Variants in CFAP299 observed in about 807,000 individuals in gnomAD.
CFAP299 encodes the protein cilia and flagella associated protein 299.
Under a neutral mutation model 27.0 loss-of-function variants are expected in CFAP299, and 21 were observed. That is an observed-to-expected ratio of 0.78 (90% CI 0.55 to 1.12). CFAP299 has a LOEUF of 1.12. CFAP299 is among the 50% of genes most tolerant of loss of function. The probability of loss-of-function intolerance (pLI) is 0.00; values close to 1 mark genes in which losing one functional copy is unlikely to be tolerated. For synonymous variants in CFAP299, 104 were observed against 98.1 expected, an observed-to-expected ratio of 1.06 and a Z score of -0.36; for missense variants, 310 against 276.6, an observed-to-expected ratio of 1.12 and a Z score of -0.86.
chr4:80,821,887 A>G (rs1313650621), intron 3 of CFAP299, among the ~76,000 whole-genome samples: 1 of 149,950 alleles, frequency 6.7e-6, no homozygotes, highest in Admixed American at 6.6e-5. Context: ...CTGGCTCAGT[A>G]CACAACACAC....
intron 2 of CFAP299, among the ~76,000 whole-genome samples, chr4:80,367,717 A>T (rs1723915320): frequency 6.6e-6 from 1 of 152,214 alleles, no homozygotes; most frequent in African/African-American, 2.4e-5. Context: ...TCCACTGGTT[A>T]TAGTAGCCAT....
chr4:80,414,011 G>T (rs1238116739), intron 2 of CFAP299, among the ~76,000 whole-genome samples: 11 of 150,568 alleles, frequency 7.3e-5, no homozygotes, highest in Non-Finnish European at 1.2e-4. Flanking sequence ...AGAAGACTCA[G>T]TTGTCTTCTT....
At chr4:80,730,422 A>C (rs545848197) in intron 3 of CFAP299, among the ~76,000 whole-genome samples, 4 of 151,826 alleles carry the variant, frequency 2.6e-5, no homozygotes. Context: ...CCTACCCATG[A>C]AGGCAAGGCT....
chr4:80,404,585 T>C (rs907539540), intron 2 of CFAP299, among the ~76,000 whole-genome samples: 2 of 152,226 alleles, frequency 1.3e-5, no homozygotes, highest in Non-Finnish European at 2.9e-5. Flanking sequence ...TCCTCAAGGA[T>C]TGTCCATGTT....
chr4:80,558,200 T>A lies in CFAP299; in HGVS notation c.243-24893T>A, dbSNP rs139926494. On this transcript the variant is annotated intron_variant, in intron 2 of 5. Coordinates refer to ENST00000358105, the MANE Select transcript of CFAP299 (RefSeq NM_152770.3). ...GTTTCTCTCTGTTTCCTAAAGAAGA[T>A]GTAAAACCTACTAAAATTACTAATT... Among the ~76,000 whole-genome samples the A allele has an allele frequency of 5.1e-3, 772 of 152,218 alleles. 5 individuals are homozygous for A. Among genetic ancestry groups the A allele is most frequent in the Middle Eastern group, 0.02 (6 of 294 alleles).
At chr4:80,588,644 A>G (rs75534132) in intron 3 of CFAP299, among the ~76,000 whole-genome samples, 1,723 of 146,934 alleles carry the variant, frequency 0.012, 150 homozygotes, top group African/African-American at 0.043. Flanking sequence ...TCCCAGTTAA[A>G]TCTTATGTCT....
chr4:80,695,612 G>A (rs1427580946), intron 3 of CFAP299, among the ~76,000 whole-genome samples: 1 of 151,334 alleles, frequency 6.6e-6, no homozygotes, highest in Admixed American at 6.6e-5. Flanking sequence ...AACCAGTGTA[G>A]ACCACATATG....
chr4:80,512,518 C>T (rs1236323975), intron 2 of CFAP299, among the ~76,000 whole-genome samples: 4 of 151,960 alleles, frequency 2.6e-5, no homozygotes, highest in Non-Finnish European at 5.9e-5. Context: ...GGGCTTTTGG[C>T]GAATAAGCTA....
intron 3 of CFAP299, among the ~76,000 whole-genome samples, chr4:80,599,933 G>T (rs903848304): frequency 2.6e-5 from 4 of 152,006 alleles, no homozygotes; most frequent in African/African-American, 9.7e-5. Context: ...TTGAAATTGG[G>T]ATACAAAAAC....
chr4:80,327,196 A>G, the CFAP299 span, among the ~76,000 whole-genome samples: 1 of 152,150 alleles, frequency 6.6e-6, no homozygotes. Flanking sequence ...ACATCCTGAT[A>G]TCAGAAGGAC....
At chr4:80,744,149 A>G (rs1011391930) in intron 3 of CFAP299, among the ~76,000 whole-genome samples, 1 of 152,178 alleles carries the variant, frequency 6.6e-6, no homozygotes, top group African/African-American at 2.4e-5. Context: ...GATAAAAGAG[A>G]AAAGGGTAGG....
At chr4:80,712,742 A>C (rs746183136) in intron 3 of CFAP299, among the ~76,000 whole-genome samples, 28 of 152,184 alleles carry the variant, frequency 1.8e-4, no homozygotes, top group Non-Finnish European at 3.5e-4. Context: ...TAATTCAACT[A>C]ATCAGTGAAT....
At chr4:80,948,813 C>G (rs969798618) in intron 5 of CFAP299, among the ~76,000 whole-genome samples, 2 of 151,862 alleles carry the variant, frequency 1.3e-5, no homozygotes, top group African/African-American at 2.4e-5. Flanking sequence ...ATGGATCATT[C>G]CCTCCAAAAG....
At chr4:80,876,679 C>A (rs1367404952) in intron 4 of CFAP299, among the ~76,000 whole-genome samples, 1 of 152,076 alleles carries the variant, frequency 6.6e-6, no homozygotes, top group Admixed American at 6.6e-5. Flanking sequence ...TATGTACAAC[C>A]AGAAATCCAG....
At chr4:80,638,988 G>T (rs1739589603) in intron 3 of CFAP299, among the ~76,000 whole-genome samples, 2 of 152,080 alleles carry the variant, frequency 1.3e-5, no homozygotes, top group African/African-American at 4.8e-5. Context: ...TGCCCTAATG[G>T]AGCAGAAAGA....
chr4:80,621,118 T>G lies in CFAP299; in HGVS notation c.333+37935T>G, dbSNP rs182569080. Among the ~76,000 whole-genome samples the G allele has an allele frequency of 1.3e-3, 196 of 152,182 alleles. 1 individual carries two copies. Among genetic ancestry groups the G allele is most frequent in the African/African-American group, 4.5e-3 (189 of 41,542 alleles). ...TAGAATGCTTCCTTCCTTTAACTATTGCCTTAAATATTTAGTATATAACAA... is the reference window on the plus strand; with the variant it reads ...TAGAATGCTTCCTTCCTTTAACTATGGCCTTAAATATTTAGTATATAACAA... On this transcript the variant is annotated intron_variant, in intron 3 of 5. Coordinates refer to ENST00000358105, the MANE Select transcript of CFAP299 (RefSeq NM_152770.3).
intron 1 of CFAP299, among the ~76,000 whole-genome samples, chr4:80,354,555 T>G (rs1723167369): frequency 6.6e-6 from 1 of 152,204 alleles, no homozygotes; most frequent in Non-Finnish European, 1.5e-5. Context: ...CAGGGTTACA[T>G]GTACAGGTTT....
chr4:80,948,775 G>C (rs955672479), intron 5 of CFAP299, among the ~76,000 whole-genome samples: 4 of 151,904 alleles, frequency 2.6e-5, no homozygotes, highest in East Asian at 1.9e-4. Context: ...ATGAATATTT[G>C]ATAAATATTC....
intron 3 of CFAP299, among the ~76,000 whole-genome samples, chr4:80,690,604 A>G (rs1178534251): frequency 6.6e-6 from 1 of 152,170 alleles, no homozygotes; most frequent in African/African-American, 2.4e-5. Context: ...AAGATCCAAA[A>G]TTGACACCCT....
Sources: allele counts gnomAD v4.1 joint callset (sites outside exome capture counted in the v4.1 genomes callset), GRCh38; gene constraint gnomAD v4.1.1; transcripts MANE v1.5; gene names NCBI Gene and HGNC (gene_info 2026-07-23, HGNC 2026-07-21).